Variants in LRRC8B observed in about 807,000 individuals in gnomAD.
The protein encoded by LRRC8B is leucine rich repeat containing 8 VRAC subunit B.
LRRC8B carries 23 observed loss-of-function variants against 58.8 expected under a neutral mutation model. The observed-to-expected ratio is 0.39, with a 90% confidence interval of 0.28 to 0.55. The LOEUF is 0.55. LRRC8B is among the 20% of genes least tolerant of loss of function. The pLI is 0.62. For missense variants in LRRC8B, 694 were observed against 936.0 expected, an observed-to-expected ratio of 0.74 and a Z score of 3.37; for synonymous variants, 359 against 374.1, an observed-to-expected ratio of 0.96 and a Z score of 0.47.
At chr1:89,543,530 C>G (rs1218114954) in intron 1 of LRRC8B, among the ~76,000 whole-genome samples, 1 of 151,096 alleles carries the variant, frequency 6.6e-6, no homozygotes, top group Non-Finnish European at 1.5e-5. Flanking sequence ...GAGTCTTGCT[C>G]TGTCACCTGG....
At chr1:89,589,258 A>C (rs1261474841) in intron 5 of LRRC8B, among the ~76,000 whole-genome samples, 1 of 152,196 alleles carries the variant, frequency 6.6e-6, no homozygotes, top group Non-Finnish European at 1.5e-5. Flanking sequence ...GTTTCCTGGC[A>C]AGGGGGCTAG....
chr1:89,535,099 A>T (rs1169451738), intron 1 of LRRC8B, among the ~76,000 whole-genome samples: 1 of 152,088 alleles, frequency 6.6e-6, no homozygotes, highest in Non-Finnish European at 1.5e-5. Context: ...GGGGAAAAAG[A>T]ATATGGCTGG....
At chr1:89,587,459 G>A (rs563918174) in intron 5 of LRRC8B, among the ~76,000 whole-genome samples, 3 of 152,224 alleles carry the variant, frequency 2.0e-5, no homozygotes, top group South Asian at 2.1e-4. Context: ...GCTTGAACCC[G>A]GGAGACAGAG....
intron 1 of LRRC8B, among the ~76,000 whole-genome samples, chr1:89,550,442 G>T (rs1246523558): frequency 6.6e-6 from 1 of 152,150 alleles, no homozygotes; most frequent in Non-Finnish European, 1.5e-5. Context: ...AATGGTACCT[G>T]TGTCTCATTA....
At chr1:89,533,001 A>G (rs1393881062) in intron 1 of LRRC8B, among the ~76,000 whole-genome samples, 1 of 152,156 alleles carries the variant, frequency 6.6e-6, no homozygotes, top group African/African-American at 2.4e-5. Flanking sequence ...ATTTGTCTAG[A>G]GTCTATAGCC....
intron 5 of LRRC8B, among the ~76,000 whole-genome samples, chr1:89,591,339 C>T (rs1654960281): frequency 6.6e-6 from 1 of 152,216 alleles, no homozygotes; most frequent in Admixed American, 6.5e-5. Context: ...TATCTCTGTG[C>T]AGAAGGGGTT....
chr1:89,591,234 C>A (rs1226960977), intron 5 of LRRC8B, among the ~76,000 whole-genome samples: 2 of 152,220 alleles, frequency 1.3e-5, no homozygotes, highest in African/African-American at 4.8e-5. Context: ...TGAGTCATTT[C>A]ATAGGCACCA....
chr1:89,528,336 A>G (rs554313778), intron 1 of LRRC8B, among the ~76,000 whole-genome samples: 1 of 152,292 alleles, frequency 6.6e-6, no homozygotes, highest in East Asian at 1.9e-4. Flanking sequence ...GTTGAGTAGC[A>G]TATTCCTTTT....
chr1:89,592,812 G>A lies in LRRC8B; in HGVS notation c.2181G>A (p.Leu727=). 1 of 1,613,682 alleles carries A rather than the reference G, an allele frequency of 6.2e-7. No homozygotes were observed. Among genetic ancestry groups the A allele is most frequent in the East Asian group, 2.2e-5 (1 of 44,860 alleles). Residue 727 remains leucine, a synonymous_variant, in exon 6 of 6, where the codon CTG becomes CTA. Transcript: ENST00000330947. ...ATGGGCTGTTTCAGTGCAAAAAGCT[G>A]CAGTGTTTACTTTTGGGGAAAAATA... The part of the protein sequence containing the change: ...LPDGLFQCKK[L]QCLLLGKNSL...
At chr1:89,529,053 G>A (rs74098296) in intron 1 of LRRC8B, among the ~76,000 whole-genome samples, 177 of 152,254 alleles carry the variant, frequency 1.2e-3, no homozygotes, top group African/African-American at 4.1e-3. Flanking sequence ...GAATTTTGGA[G>A]GTATCCAAAC....
At chr1:89,550,198 T>C (rs964692879) in intron 1 of LRRC8B, among the ~76,000 whole-genome samples, 1 of 152,192 alleles carries the variant, frequency 6.6e-6, no homozygotes, top group Non-Finnish European at 1.5e-5. Flanking sequence ...AGTAGTACTT[T>C]TGCTTCTATC....
intron 3 of LRRC8B, among the ~76,000 whole-genome samples, chr1:89,573,239 G>T (rs1437947633): frequency 7.9e-5 from 12 of 151,614 alleles, no homozygotes; most frequent in Admixed American, 7.2e-4. Context: ...GGCGGAGCTT[G>T]CAGTGAACCA....
chr1:89,525,218 T>C (rs1649577100), intron 1 of LRRC8B, among the ~76,000 whole-genome samples, 196 bp downstream of exon 1: 1 of 152,236 alleles, frequency 6.6e-6, no homozygotes, highest in South Asian at 2.1e-4. Flanking sequence ...TTCGTTGTGC[T>C]CCCTGCCTTC....
chr1:89,550,422 G>A (rs887791012), intron 1 of LRRC8B, among the ~76,000 whole-genome samples: 8 of 152,064 alleles, frequency 5.3e-5, no homozygotes, highest in Non-Finnish European at 1.2e-4. Context: ...TACCTTTTTG[G>A]GTTCAATAGA....
intron 1 of LRRC8B, among the ~76,000 whole-genome samples, chr1:89,567,195 T>C (rs1046593324): frequency 5.3e-5 from 8 of 152,210 alleles, no homozygotes; most frequent in African/African-American, 1.4e-4. Context: ...CTAAGAAGCA[T>C]TGTCATTTAG....
At chr1:89,535,558 T>C (rs994898469) in intron 1 of LRRC8B, among the ~76,000 whole-genome samples, 1 of 152,178 alleles carries the variant, frequency 6.6e-6, no homozygotes, top group Admixed American at 6.5e-5. Flanking sequence ...GAACATCACC[T>C]TTATAAATAT....
chr1:89,593,363 C>G lies in LRRC8B; in HGVS notation c.*320C>G. The G allele has an allele frequency of 5.6e-6, 1 of 178,310 alleles. No individual in the cohort carries two copies. The highest frequency in any genetic ancestry group is 1.1e-5 in the Non-Finnish European group (1 of 89,174). The allele number at this position is 178,310 out of a possible 1,614,324, so 11.0% of individuals were successfully genotyped here. A position where few individuals can be genotyped will look rare whatever the true frequency, so the allele number is the denominator to read the frequency against. ...CTGTACACCAGCCTGGGTGACAGAG[C>G]AAGACTCTTATCTCAAAAAAAAAAA... is the stretch of plus-strand genomic sequence containing the variant. On this transcript the variant is annotated 3_prime_UTR_variant, in exon 6 of 6. Coordinates refer to ENST00000330947, the MANE Select transcript of LRRC8B (RefSeq NM_001369817.2).
intron 3 of LRRC8B, among the ~76,000 whole-genome samples, chr1:89,578,776 T>C (rs1654028132): frequency 6.6e-6 from 1 of 152,152 alleles, no homozygotes; most frequent in Admixed American, 6.5e-5. Flanking sequence ...CTAAAAGATA[T>C]AATTTTTACT....
rs71312000 is a variant in LRRC8B, at chr1:89,534,514, TACAC to T, written c.-241+9515_-241+9518del. Among the ~76,000 whole-genome samples, 384 of 149,194 alleles carry T rather than the reference TACAC, an allele frequency of 2.6e-3. 1 individual carries two copies. The highest frequency in any genetic ancestry group is 6.2e-3 in the African/African-American group (254 of 40,804). The stretch of plus-strand genomic sequence containing the variant: ...TTTCATTATCATGTCTTTTGTGACA[TACAC>T]ACACACACACACACACACACACTCA... On this transcript the variant is annotated intron_variant, in intron 1 of 5. Coordinates refer to ENST00000330947, the MANE Select transcript of LRRC8B (RefSeq NM_001369817.2).
Sources: allele counts gnomAD v4.1 joint callset (sites outside exome capture counted in the v4.1 genomes callset), GRCh38; gene constraint gnomAD v4.1.1; transcripts MANE v1.5; gene names NCBI Gene and HGNC (gene_info 2026-07-23, HGNC 2026-07-21).